The following PDGFC variants were observed in gnomAD, a reference collection of about 807,000 sequenced individuals.
PDGFC encodes platelet-derived growth factor C.
PDGFC carries 12 observed loss-of-function variants against 35.5 expected under a neutral mutation model. The ratio of observed to expected loss-of-function variants is 0.34; its 90% confidence interval spans 0.22 to 0.55. The LOEUF is 0.55. Ranked by LOEUF, PDGFC falls within the 20% of genes least tolerant of loss-of-function variation. The pLI is 0.91. For missense variants in PDGFC, 322 were observed against 412.4 expected, an observed-to-expected ratio of 0.78 and a Z score of 1.90; for synonymous variants, 159 against 148.8, an observed-to-expected ratio of 1.07 and a Z score of -0.50.
At chr4:156,919,166 T>C (rs1731217399) in intron 1 of PDGFC, among the ~76,000 whole-genome samples, 1 of 152,212 alleles carries the variant, frequency 6.6e-6, no homozygotes, top group Non-Finnish European at 1.5e-5. Context: ...CTGAATAAAG[T>C]GAAGCAAAGC....
At chr4:156,850,609 T>G (rs1729430589) in intron 1 of PDGFC, among the ~76,000 whole-genome samples, 193 bp from the exon 2 acceptor site, 1 of 152,154 alleles carries the variant, frequency 6.6e-6, no homozygotes, top group African/African-American at 2.4e-5. Flanking sequence ...AAAAACCTGT[T>G]TCATATTTAT....
At chr4:156,777,514 G>A (rs1254838227) in intron 3 of PDGFC, among the ~76,000 whole-genome samples, 1 of 152,110 alleles carries the variant, frequency 6.6e-6, no homozygotes, top group East Asian at 1.9e-4. Context: ...ATAGTAGAGA[G>A]GGAAGACCAT....
At chr4:156,891,477 G>A (rs955238690) in intron 1 of PDGFC, among the ~76,000 whole-genome samples, 2 of 152,084 alleles carry the variant, frequency 1.3e-5, no homozygotes, top group Non-Finnish European at 2.9e-5. Flanking sequence ...AGTGTTTCAG[G>A]AGATTATAAG....
chr4:156,875,880 TG>T (rs1288755990), intron 1 of PDGFC, among the ~76,000 whole-genome samples: 2 of 151,950 alleles, frequency 1.3e-5, no homozygotes, highest in African/African-American at 4.8e-5. Context: ...AAAACCCTGT[TG>T]GGGGGAAAAA....
chr4:156,942,468 C>G (rs572891421), intron 1 of PDGFC, among the ~76,000 whole-genome samples: 11 of 151,854 alleles, frequency 7.2e-5, no homozygotes, highest in African/African-American at 2.2e-4. Context: ...TAAATAGATA[C>G]TTTTTTCTAG....
At chr4:156,859,851 C>A (rs540239294) in intron 1 of PDGFC, among the ~76,000 whole-genome samples, 1 of 151,962 alleles carries the variant, frequency 6.6e-6, no homozygotes, top group Admixed American at 6.6e-5. Flanking sequence ...TGCTGTTATT[C>A]CACCTCAGTG....
At chr4:156,868,828 C>T (rs527848454) in intron 1 of PDGFC, among the ~76,000 whole-genome samples, 2 of 152,254 alleles carry the variant, frequency 1.3e-5, no homozygotes, top group South Asian at 2.1e-4. Flanking sequence ...TTCTATCCTC[C>T]GTCTTCTTTC....
chr4:156,926,075 A>G (rs1038615480), intron 1 of PDGFC, among the ~76,000 whole-genome samples: 1 of 137,458 alleles, frequency 7.3e-6, no homozygotes, highest in Non-Finnish European at 1.6e-5. Context: ...AAAAAAAAAG[A>G]CAGAAAGACA....
chr4:156,853,666 G>C (rs1475800226), intron 1 of PDGFC, among the ~76,000 whole-genome samples: 1 of 152,118 alleles, frequency 6.6e-6, no homozygotes, highest in East Asian at 1.9e-4. Flanking sequence ...ATTTTATTAA[G>C]AAAATAATGC....
At chr4:156,782,926 G>A (rs941577153) in intron 3 of PDGFC, among the ~76,000 whole-genome samples, 5 of 152,118 alleles carry the variant, frequency 3.3e-5, no homozygotes, top group South Asian at 2.1e-4. Context: ...TGTGAGGTTC[G>A]TATCTCTTGA....
intron 3 of PDGFC, among the ~76,000 whole-genome samples, chr4:156,799,033 T>A (rs1731525828): frequency 6.6e-6 from 1 of 152,206 alleles, no homozygotes; most frequent in Admixed American, 6.5e-5. Context: ...AATTGCTACC[T>A]CAATGTCTTT....
intron 1 of PDGFC, among the ~76,000 whole-genome samples, chr4:156,931,190 C>T (rs1731541860): frequency 6.6e-6 from 1 of 152,140 alleles, no homozygotes; most frequent in Non-Finnish European, 1.5e-5. Context: ...AACTGATAAA[C>T]ATGAATTCTT....
At chr4:156,938,372 C>T (rs1731731064) in intron 1 of PDGFC, among the ~76,000 whole-genome samples, 2 of 152,052 alleles carry the variant, frequency 1.3e-5, no homozygotes, top group Non-Finnish European at 2.9e-5. Flanking sequence ...AGTTAGAATC[C>T]ATGAAGCAGT....
At chr4:156,937,073 G>A (rs919962207) in intron 1 of PDGFC, among the ~76,000 whole-genome samples, 1 of 152,170 alleles carries the variant, frequency 6.6e-6, no homozygotes, top group African/African-American at 2.4e-5. Flanking sequence ...GCACGCATAT[G>A]GACAGATGAG....
chr4:156,798,302 T>C (rs1731505608), intron 3 of PDGFC, among the ~76,000 whole-genome samples: 2 of 152,140 alleles, frequency 1.3e-5, no homozygotes, highest in African/African-American at 4.8e-5. Flanking sequence ...GCAAAGGGCA[T>C]CACAACAGCA....
In PDGFC at chr4:156,762,190, C is replaced by G. The variant is rs1466690501; in HGVS notation, c.*900G>C. The G allele has an allele frequency of 1.3e-5, 2 of 152,546 alleles. No individual in the cohort carries two copies. The highest frequency in any genetic ancestry group is 2.9e-5 in the Non-Finnish European group (2 of 68,014). 9.4% of individuals were successfully genotyped at this position (152,546 alleles called of 1,614,324 possible). On this transcript the variant is annotated 3_prime_UTR_variant, in exon 6 of 6. Coordinates refer to ENST00000502773, the MANE Select transcript of PDGFC (RefSeq NM_016205.3). ...AATACATGTATTTTTGTCAGAGCAA[C>G]AATATTTTATATCATCTTTGTTCCT...
intron 3 of PDGFC, among the ~76,000 whole-genome samples, chr4:156,799,365 G>A (rs1311191060): frequency 6.6e-6 from 1 of 152,088 alleles, no homozygotes; most frequent in East Asian, 1.9e-4. Flanking sequence ...TGAGGCCTTT[G>A]GTGGCCTACA....
chr4:156,795,361 T>G (rs950593887), intron 3 of PDGFC, among the ~76,000 whole-genome samples: 1 of 152,148 alleles, frequency 6.6e-6, no homozygotes, highest in African/African-American at 2.4e-5. Flanking sequence ...TAGATTGCAT[T>G]AAAAGGTATC....
In PDGFC at chr4:156,850,296, A is replaced by T. The variant is rs1366701791; in HGVS notation, c.239T>A (p.Val80Glu). The change falls in exon 2 of 6, where the codon GTA (valine) becomes GAA (glutamate). Residue 80 changes from valine (V) to glutamate (E), a missense_variant. Physicochemically the swap from Val to Glu is moderately radical, Grantham distance 121. Around this residue, in one of 2 missense-constraint regions of PDGFC, gnomAD observed 120 missense variants for 116.6 expected, o/e 1.03. Coordinates refer to ENST00000502773, the MANE Select transcript of PDGFC (RefSeq NM_016205.3). ...NTVLVWRLVA[V>E]EENVWIQLTF... ...AAGTTGTATCCATACATTTTCCTCT[A>T]CTGCTACTAATCTCCATACCAAGAC... 6.2e-7 allele frequency: 1 copy of T among 1,610,826 alleles called. No homozygotes were observed. The highest frequency in any genetic ancestry group is 1.3e-5 in the African/African-American group (1 of 74,832).
Sources: allele counts gnomAD v4.1 joint callset (sites outside exome capture counted in the v4.1 genomes callset), GRCh38; gene constraint gnomAD v4.1.1; regional missense constraint gnomAD v4.1.1; transcripts MANE v1.5; gene names NCBI Gene and HGNC (gene_info 2026-07-23, HGNC 2026-07-21).